The following SEC14L5 variants were observed in gnomAD, a reference collection of about 807,000 sequenced individuals.
SEC14L5 encodes the protein SEC14-like protein 5.
In SEC14L5, 96 loss-of-function variants were observed where a neutral mutation model predicts 84.6. That is an observed-to-expected ratio of 1.13 (90% CI 0.96 to 1.34). The LOEUF (loss-of-function observed/expected upper bound fraction) is 1.34, where lower values mean the gene tolerates loss of function less well. Ranked by LOEUF, SEC14L5 falls within the 40% of genes most tolerant of loss-of-function variation. The pLI is 0.00. For synonymous variants in SEC14L5, 546 were observed against 383.4 expected (o/e 1.42, Z -4.95); for missense variants, 1,224 against 942.5 (o/e 1.30, Z -3.91).
chr16:5,007,936 C>G (rs1231885860), intron 13 of SEC14L5, among the ~76,000 whole-genome samples: 4 of 125,960 alleles, frequency 3.2e-5, no homozygotes, highest in Admixed American at 9.5e-5. Context: ...GAGACCGAGT[C>G]TCACTCTGTC....
chr16:4,989,943 G>A lies in SEC14L5; in HGVS notation c.346-824G>A, dbSNP rs566137165. 4.6e-5 allele frequency among the ~76,000 whole-genome samples: 7 copies of A among 152,110 alleles called. No individual in the cohort carries two copies. In the East Asian group the frequency reaches 1.4e-3, roughly 30 times the overall value. ...GCCCACAGACGTTTGAGGAGGACTA[G>A]GTCTGGATCCATAAAGGAGCTCTGC... On this transcript the variant is annotated intron_variant, in intron 4 of 15. Coordinates refer to ENST00000251170, the MANE Select transcript of SEC14L5 (RefSeq NM_014692.2).
chr16:5,001,334 C>T (rs1250860435), intron 10 of SEC14L5, among the ~76,000 whole-genome samples: 2 of 150,964 alleles, frequency 1.3e-5, no homozygotes, highest in Non-Finnish European at 2.9e-5. Context: ...TCTCAGTTCA[C>T]TGCAAGCTCT....
chr16:5,011,320 C>T (rs1306056664), intron 15 of SEC14L5, 47 bp downstream of exon 15: 1 of 1,572,884 alleles, frequency 6.4e-7, no homozygotes, highest in Non-Finnish European at 8.7e-7. Context: ...GACCCTGGGG[C>T]TGATTGACAA....
intron 2 of SEC14L5, among the ~76,000 whole-genome samples, chr16:4,986,254 C>T (rs1181840667): frequency 6.6e-6 from 1 of 152,020 alleles, no homozygotes; most frequent in African/African-American, 2.4e-5. Flanking sequence ...ATTCTTCTGC[C>T]TCAGCTTCCC....
chr16:4,996,082 A>C, intron 6 of SEC14L5, among the ~76,000 whole-genome samples: 1 of 152,128 alleles, frequency 6.6e-6, no homozygotes, highest in Non-Finnish European at 1.5e-5. Flanking sequence ...AATTATCTTC[A>C]ATTCCCAGGG....
At chr16:4,986,141 TC>T (rs1955484292) in intron 2 of SEC14L5, among the ~76,000 whole-genome samples, 2 of 148,750 alleles carry the variant, frequency 1.3e-5, no homozygotes, top group South Asian at 2.1e-4. Context: ...TTCTTCTTCT[TC>T]TTTTTTTTTT....
At chr16:4,980,633 G>C (rs535148284) in intron 2 of SEC14L5, among the ~76,000 whole-genome samples, 41 of 152,276 alleles carry the variant, frequency 2.7e-4, no homozygotes, top group African/African-American at 9.6e-4. Context: ...ACAGGTATGA[G>C]GTTGTGCTTT....
rs1159188721 is a variant in SEC14L5, at chr16:4,977,425, C to T, written c.64-10132C>T. 5.7e-5 allele frequency among the ~76,000 whole-genome samples: 6 copies of T among 104,776 alleles called. 1 individual carries two copies. Among genetic ancestry groups the T allele is most frequent in the African/African-American group, 1.1e-4 (3 of 26,398 alleles). 68.7% of individuals were successfully genotyped at this position (104,776 alleles called of 152,430 possible). On this transcript the variant is annotated intron_variant, in intron 2 of 15. Transcript: ENST00000251170. ...TCGTGCCATTGCACTCCAGCCTAGG[C>T]GAAAGAGTGAGACTCCGTCTCAAAA...
intron 10 of SEC14L5, among the ~76,000 whole-genome samples, chr16:5,001,815 C>T (rs764435822): frequency 2.0e-5 from 3 of 152,136 alleles, no homozygotes; most frequent in Non-Finnish European, 2.9e-5. Context: ...CTCTGTCACC[C>T]AAGCTGGAGT....
chr16:5,007,317 G>C (rs202022575), intron 12 of SEC14L5, 35 bp from the exon 13 acceptor site: 1 of 1,607,906 alleles, frequency 6.2e-7, no homozygotes, highest in African/African-American at 1.3e-5. Flanking sequence ...GCCTCAACTG[G>C]CCCTGACCTG....
chr16:4,980,016 G>C (rs889935581), intron 2 of SEC14L5, among the ~76,000 whole-genome samples: 3 of 152,142 alleles, frequency 2.0e-5, no homozygotes, highest in African/African-American at 4.8e-5. Flanking sequence ...AGTGATTCAG[G>C]GTTGTCGTCT....
At chr16:5,000,551 T>A (rs1309662014) in intron 8 of SEC14L5, 104 bp from the exon 9 acceptor site, 4 of 844,782 alleles carry the variant, frequency 4.7e-6, no homozygotes, top group African/African-American at 1.7e-5. Flanking sequence ...CTTGGTGGGT[T>A]GCAGCCTGAG....
chr16:4,976,560 A>G (rs1955342821), intron 2 of SEC14L5, among the ~76,000 whole-genome samples: 1 of 152,200 alleles, frequency 6.6e-6, no homozygotes, highest in Admixed American at 6.6e-5. Context: ...CCCAGCCTGG[A>G]ATTGGGCAAG....
At chr16:5,010,893 C>T in intron 14 of SEC14L5, 1 of 566,312 alleles carries the variant, frequency 1.8e-6, no homozygotes, top group Non-Finnish European at 3.1e-6. Flanking sequence ...GAGGGAGGCT[C>T]TGGTCCCAGG....
chr16:4,970,638 C>T (rs187212321), intron 2 of SEC14L5, among the ~76,000 whole-genome samples: 9 of 152,322 alleles, frequency 5.9e-5, no homozygotes, highest in Admixed American at 5.2e-4. Context: ...AGTCCCTGGG[C>T]CCCGCTCCTG....
In SEC14L5 at chr16:4,988,239, T is replaced by A. The variant is rs751117005; in HGVS notation, c.304T>A (p.Phe102Ile). The A allele has an allele frequency of 6.8e-6, 11 of 1,613,342 alleles. No homozygotes were observed. The highest frequency in any genetic ancestry group is 9.3e-6 in the Non-Finnish European group (11 of 1,179,476). The change falls in exon 4 of 16, where the codon TTC becomes ATC. Residue 102 changes from phenylalanine (F) to isoleucine (I), a missense_variant. Coordinates refer to ENST00000251170, the MANE Select transcript of SEC14L5 (RefSeq NM_014692.2). ...TLLIEAHNETFANRVVVNEHC... is the reference protein window; with the variant it reads ...TLLIEAHNETIANRVVVNEHC... ...CCTCATCGAAGCGCACAATGAGACC[T>A]TCGCCAACCGCGTGGTGGTGAACGA...
intron 2 of SEC14L5, 97 bp from the exon 3 acceptor site, chr16:4,987,460 C>A: frequency 1.8e-6 from 2 of 1,084,218 alleles, no homozygotes. Context: ...CTGCCTTTCC[C>A]GTCTGATAAG....
rs565892077 is a variant in SEC14L5, at chr16:4,989,331, T to G, written c.345+1051T>G. ...TTTTGTTTGTTTGTTTGTTTTGTTT[T>G]TTTTTTTGTTTGTTTTTTTGAGAGA... On this transcript the variant is annotated intron_variant, in intron 4 of 15. Coordinates refer to ENST00000251170, the MANE Select transcript of SEC14L5 (RefSeq NM_014692.2). Among the ~76,000 whole-genome samples, 856 of 150,750 alleles carry G rather than the reference T, an allele frequency of 5.7e-3. 5 individuals are homozygous for G. The highest frequency in any genetic ancestry group is 0.02 in the African/African-American group (826 of 41,038).
At chr16:5,000,443 C>T (rs1955662293) in intron 8 of SEC14L5, among the ~76,000 whole-genome samples, 1 of 152,354 alleles carries the variant, frequency 6.6e-6, no homozygotes, top group Admixed American at 6.5e-5. Flanking sequence ...GGCCCTTATC[C>T]TCATTGTAAC....
Sources: gnomAD v4.1 joint callset for allele counts (sites outside exome capture counted in the v4.1 genomes callset) on GRCh38, gnomAD v4.1.1 for gene constraint, MANE v1.5 for transcripts, NCBI Gene and HGNC (gene_info 2026-07-23, HGNC 2026-07-21) for gene names.